Variants in ZSCAN5A observed in about 807,000 individuals in gnomAD.
The protein encoded by ZSCAN5A is zinc finger and SCAN domain-containing protein 5A.
A neutral mutation model predicts 23.7 loss-of-function variants in ZSCAN5A; 12 were observed. The observed-to-expected ratio is 0.51, with a 90% confidence interval of 0.32 to 0.82. The LOEUF (loss-of-function observed/expected upper bound fraction) is 0.82. Ranked by LOEUF, ZSCAN5A falls within the 40% of genes least tolerant of loss-of-function variation. The pLI, the probability that ZSCAN5A is intolerant of heterozygous loss-of-function variation, is 0.03. For synonymous variants in ZSCAN5A, 257 were observed against 239.9 expected (o/e 1.07, Z -0.66); for missense variants, 597 against 617.9 (o/e 0.97, Z 0.36).
chr19:56,301,782 C>G (rs1428801198), intron 2 of ZSCAN5A, among the ~76,000 whole-genome samples: 1 of 152,048 alleles, frequency 6.6e-6, no homozygotes. Context: ...GACTGTTTGT[C>G]TGGAGTATGG....
At chr19:56,267,548 C>A (rs1334591614) in intron 2 of ZSCAN5A, among the ~76,000 whole-genome samples, 2 of 152,216 alleles carry the variant, frequency 1.3e-5, no homozygotes, top group African/African-American at 4.8e-5. Flanking sequence ...ACCTCAAGTG[C>A]TCAGCAGCCG....
chr19:56,310,223 T>C (rs2147361387), intron 2 of ZSCAN5A: 1 of 152,442 alleles, frequency 6.6e-6, no homozygotes, highest in South Asian at 2.1e-4. Context: ...AAGAAAGCTC[T>C]CTGTCCCCTG....
upstream of ZSCAN5A, chr19:56,317,538 G>C (rs2041329684): frequency 6.6e-6 from 1 of 152,296 alleles, no homozygotes; most frequent in Non-Finnish European, 1.5e-5. Flanking sequence ...TCCCCAGCCA[G>C]ATTCCACAGA....
chr19:56,227,596 TA>T (rs1210114703), intron 2 of ZSCAN5A, among the ~76,000 whole-genome samples: 2 of 152,040 alleles, frequency 1.3e-5, no homozygotes, highest in Admixed American at 1.3e-4. Context: ...CAGGAAAAAA[TA>T]AAGGCAGACA....
chr19:56,247,535 G>T, intron 2 of ZSCAN5A: 1 of 157,850 alleles, frequency 6.3e-6, no homozygotes. Context: ...ATGACATGAA[G>T]CAGGTGCAAG....
intron 2 of ZSCAN5A, chr19:56,280,796 T>C (rs1156952149): frequency 6.6e-6 from 1 of 152,194 alleles, no homozygotes; most frequent in East Asian, 1.9e-4. Context: ...TCATGAAAGT[T>C]GAGCCCTTGT....
At chr19:56,254,437 TC>T (rs1232643713) in intron 2 of ZSCAN5A, among the ~76,000 whole-genome samples, 4 of 152,192 alleles carry the variant, frequency 2.6e-5, no homozygotes, top group African/African-American at 9.6e-5. Flanking sequence ...TGTCACAATG[TC>T]CTCCCTTTGG....
intron 2 of ZSCAN5A, among the ~76,000 whole-genome samples, chr19:56,356,042 T>TAGATG (rs1001716181): frequency 1.3e-5 from 2 of 148,640 alleles, no homozygotes; most frequent in African/African-American, 5.1e-5. Flanking sequence ...ATGCAATAAA[T>TAGATG]AGATGAAAGG....
intron 2 of ZSCAN5A, among the ~76,000 whole-genome samples, chr19:56,227,848 G>A (rs901612963): frequency 6.6e-6 from 1 of 152,008 alleles, no homozygotes; most frequent in African/African-American, 2.4e-5. Flanking sequence ...GAGCCCAGGA[G>A]TTCAGGACCA....
chr19:56,272,910 C>T lies in ZSCAN5A; in HGVS notation c.-128+40373G>A, dbSNP rs1017430043. On this transcript the variant is annotated intron_variant, in intron 2 of 5. Coordinates refer to ENST00000683990, the MANE Select transcript of ZSCAN5A (RefSeq NM_001322064.3). ...CCTGGGATTGGCAGAAGCCTGTACT[C>T]CTCGTGAAGGTAATGCTTCCAGCCA... 20 of 985,012 alleles carry T rather than the reference C, an allele frequency of 2.0e-5. No individual in the cohort carries two copies. The African/African-American group carries it at 3.5e-4, about 17-fold the overall frequency. 61.0% of individuals were successfully genotyped at this position (985,012 alleles called of 1,614,324 possible). A position where few individuals can be genotyped will look rare whatever the true frequency, so the allele number is the denominator to read the frequency against.
intron 2 of ZSCAN5A, among the ~76,000 whole-genome samples, chr19:56,230,144 C>G (rs1205520791): frequency 6.6e-6 from 1 of 152,162 alleles, no homozygotes; most frequent in African/African-American, 2.4e-5. Flanking sequence ...CAAAGTGTCG[C>G]TCTGTCACCC....
chr19:56,300,237 A>T (rs2040140035), intron 2 of ZSCAN5A, among the ~76,000 whole-genome samples: 1 of 152,142 alleles, frequency 6.6e-6, no homozygotes, highest in Non-Finnish European at 1.5e-5. Context: ...GAAAAAAAAA[A>T]TTTCACCCTT....
intron 2 of ZSCAN5A, among the ~76,000 whole-genome samples, chr19:56,294,916 C>T (rs1345608870): frequency 6.6e-6 from 1 of 152,184 alleles, no homozygotes; most frequent in African/African-American, 2.4e-5. Context: ...TACGACATGT[C>T]CACAGCAGGC....
At chr19:56,251,652 G>A (rs2036352438) in intron 2 of ZSCAN5A, among the ~76,000 whole-genome samples, 1 of 152,128 alleles carries the variant, frequency 6.6e-6, no homozygotes, top group Admixed American at 6.5e-5. Context: ...TGATCTCCTG[G>A]GCACCAGCTT....
chr19:56,291,714 T>TG, intron 2 of ZSCAN5A, among the ~76,000 whole-genome samples: 1 of 152,228 alleles, frequency 6.6e-6, no homozygotes, highest in South Asian at 2.1e-4. Context: ...CTCTTAGCCA[T>TG]GGATCAACTC....
chr19:56,246,783 C>G (rs61738589), intron 2 of ZSCAN5A: 27,219 of 1,534,090 alleles, frequency 0.018, 232 homozygotes, highest in African/African-American at 0.03. Flanking sequence ...GAGCCTCTGT[C>G]GAAAATGTGG....
Position 56,314,650 on chromosome 19 carries a change from G to C in ZSCAN5A, c.-230+31C>G, listed in dbSNP as rs186726858. The C allele has an allele frequency of 2.7e-5, 4 of 146,894 alleles. No individual in the cohort carries two copies. In the East Asian group the frequency reaches 6.7e-4, roughly 25 times the overall value. The allele number at this position is 146,894 out of a possible 1,614,324, so 9.1% of individuals were successfully genotyped here. On this transcript the variant is annotated intron_variant, in intron 1 of 5. Coordinates refer to ENST00000683990, the MANE Select transcript of ZSCAN5A (RefSeq NM_001322064.3). ...TCCGGCCTCCGCCAGTGACGTCACC[G>C]CAAGGGCGGAAGGGAAGCTAAAGTC... is the stretch of plus-strand genomic sequence containing the variant.
upstream of ZSCAN5A, chr19:56,317,625 T>C (rs2041330554): frequency 6.6e-6 from 1 of 152,310 alleles, no homozygotes; most frequent in Admixed American, 6.5e-5. Flanking sequence ...GGATCCTGCT[T>C]TCTGGCCTTA....
At chr19:56,342,608 C>T in intron 2 of ZSCAN5A, 1 of 441,834 alleles carries the variant, frequency 2.3e-6, no homozygotes. Flanking sequence ...GAACATCCTG[C>T]ACTCTTCCTT....
Sources: allele counts gnomAD v4.1 joint callset (sites outside exome capture counted in the v4.1 genomes callset), GRCh38; gene constraint gnomAD v4.1.1; transcripts MANE v1.5; gene names NCBI Gene and HGNC (gene_info 2026-07-23, HGNC 2026-07-21).